Variants in STEAP2 observed in about 807,000 individuals in gnomAD.
STEAP2 encodes the protein metalloreductase STEAP2.
In STEAP2, 30 loss-of-function variants were observed where a neutral mutation model predicts 46.4. The ratio of observed to expected loss-of-function variants is 0.65; its 90% CI spans 0.48 to 0.88. STEAP2 has a LOEUF of 0.88. STEAP2 is among the 40% of genes least tolerant of loss of function. STEAP2 has a pLI of 0.00. For synonymous variants in STEAP2, 180 were observed against 200.5 expected (o/e 0.90, Z 0.86); for missense variants, 513 against 579.3 (o/e 0.89, Z 1.18).
chr7:90,242,557 C>G (rs1584260006), downstream of STEAP2, among the ~76,000 whole-genome samples: 3 of 152,356 alleles, frequency 2.0e-5, no homozygotes, highest in Middle Eastern at 3.4e-3. Flanking sequence ...ATTGTCAGCT[C>G]TCTGCCACCA....
chr7:90,212,231 G>GTGTC (rs1225424890), intron 1 of STEAP2, 186 bp downstream of exon 1: 1 of 152,374 alleles, frequency 6.6e-6, no homozygotes, highest in African/African-American at 2.4e-5. Context: ...GTGGAGAAGG[G>GTGTC]TGTCTGTTCC....
chr7:90,213,529 A>T (rs933362624), intron 1 of STEAP2, among the ~76,000 whole-genome samples: 2 of 152,352 alleles, frequency 1.3e-5, no homozygotes, highest in African/African-American at 4.8e-5. Context: ...TAACATTGAT[A>T]AATCACCTAC....
rs1795950116 is a variant in STEAP2 at position 90,236,072 on chromosome 7, GCTT to G, written c.*3450_*3452del. The G allele has an allele frequency of 2.8e-6, 2 of 723,018 alleles. No homozygotes were observed. The highest frequency in any genetic ancestry group is 1.3e-4 in the South Asian group (2 of 15,694). 44.8% of individuals were successfully genotyped at this position (723,018 alleles called of 1,614,324 possible). ...TTATAGAAATTACTTGTGTAAAAGGGCTTCAAGAATATATCCAATTTTTAAATA... is the reference window on the plus strand; with the variant it reads ...TTATAGAAATTACTTGTGTAAAAGGGCAAGAATATATCCAATTTTTAAATA... On this transcript the variant is annotated 3_prime_UTR_variant, in exon 6 of 6. Coordinates refer to ENST00000394621, the MANE Select transcript of STEAP2 (RefSeq NM_001244944.2).
At chr7:90,213,807 G>T (rs994102411) in intron 1 of STEAP2, 1 of 152,174 alleles carries the variant, frequency 6.6e-6, no homozygotes, top group Non-Finnish European at 1.5e-5. Flanking sequence ...TTTAACAAGG[G>T]CTGAGTGAAT....
At chr7:90,240,068 T>TCC (rs1796043869), downstream of STEAP2, among the ~76,000 whole-genome samples, 1 of 152,082 alleles carries the variant, frequency 6.6e-6, no homozygotes, top group Admixed American at 6.5e-5. The surrounding 1 kb of genome is among the most constrained non-coding windows in gnomAD (Gnocchi z 4.1). Flanking sequence ...ACCCAGGAGT[T>TCC]CAAGACCAAC....
intron 1 of STEAP2, chr7:90,215,521 T>C (rs1371789770): frequency 6.6e-6 from 1 of 152,218 alleles, no homozygotes; most frequent in Non-Finnish European, 1.5e-5. Context: ...AAGAAAACGA[T>C]GTCATTGACA....
intron 2 of STEAP2, among the ~76,000 whole-genome samples, chr7:90,220,172 C>T (rs1795192992): frequency 6.6e-6 from 1 of 152,204 alleles, no homozygotes; most frequent in African/African-American, 2.4e-5. Flanking sequence ...AGAATTCCCT[C>T]CTGTTTAATG....
In STEAP2 at chr7:90,227,417, T is replaced by C. The variant is rs751812071; in HGVS notation, c.939T>C (p.Ala313=). ...TTGGATTACTAAGTTTTTTCTTCGC[T>C]ATGGTCCATGTTGCCTACAGCCTCT... ...KQLGLLSFFF[A]MVHVAYSLCL... The change falls in exon 4 of 6, where the codon GCT becomes GCC. Residue 313 remains alanine (A), a synonymous_variant. Transcript: ENST00000394621. The C allele has an allele frequency of 1.2e-6, 2 of 1,612,598 alleles. No individual in the cohort carries two copies. The highest frequency in any genetic ancestry group is 1.7e-5 in the Admixed American group (1 of 59,932).
At chr7:90,224,429 A>ACTGCAGAGCTGCCACTGAG (rs1307638685) in intron 2 of STEAP2, among the ~76,000 whole-genome samples, 2 of 152,198 alleles carry the variant, frequency 1.3e-5, no homozygotes, top group Non-Finnish European at 1.5e-5. Flanking sequence ...TTTAAATATG[A>ACTGCAGAGCTGCCACTGAG]CTGCAGAGCT....
the STEAP2 span, among the ~76,000 whole-genome samples, chr7:90,243,390 A>G: frequency 2.6e-5 from 4 of 152,218 alleles, no homozygotes; most frequent in Non-Finnish European, 5.9e-5. Flanking sequence ...TAAAAGAGTT[A>G]GAGTTTTTTA....
Position 90,233,616 on chromosome 7 carries a change from A to T in STEAP2, c.*992A>T, listed in dbSNP as rs141424922. ...TTAATACTTAGAACAACCCCGTGAG[A>T]TAAGTAGTTATTATCCTCATTTTAC... is the stretch of plus-strand genomic sequence containing the variant. On this transcript the variant is annotated 3_prime_UTR_variant, in exon 6 of 6. Transcript: ENST00000394621. The T allele has an allele frequency of 1.1e-6, 1 of 877,922 alleles. No homozygotes were observed. Among genetic ancestry groups the T allele is most frequent in the African/African-American group, 1.8e-5 (1 of 55,058 alleles). The allele number at this position is 877,922 out of a possible 1,614,324, so 54.4% of individuals were successfully genotyped here.
intron 5 of STEAP2, among the ~76,000 whole-genome samples, chr7:90,230,333 G>T (rs1795687131): frequency 6.6e-6 from 1 of 151,944 alleles, no homozygotes; most frequent in Non-Finnish European, 1.5e-5. Context: ...GATGAGCTTA[G>T]ATCAAATTTA....
rs1584251719 is a variant in STEAP2 at position 90,233,329 on chromosome 7, A to G, written c.*705A>G. On this transcript the variant is annotated 3_prime_UTR_variant, in exon 6 of 6. Transcript: ENST00000394621. ...TGTTACAGAGCAGTTTCATTTTCAT[A>G]TTAATATACTGATCAGGAAGAGGAT... The G allele has an allele frequency of 1.0e-6, 1 of 983,388 alleles. No individual in the cohort carries two copies. 60.9% of individuals were successfully genotyped at this position (983,388 alleles called of 1,614,324 possible).
chr7:90,225,987 T>A (rs925956532), intron 3 of STEAP2, among the ~76,000 whole-genome samples: 1 of 152,174 alleles, frequency 6.6e-6, no homozygotes, highest in African/African-American at 2.4e-5. Context: ...GAAAATAAGT[T>A]TCAGTATTAT....
chr7:90,219,792 A>G (rs140600670), intron 2 of STEAP2, among the ~76,000 whole-genome samples: 2 of 152,252 alleles, frequency 1.3e-5, no homozygotes, highest in Admixed American at 6.5e-5. Flanking sequence ...CGGTTATGCA[A>G]TCATAAATCA....
chr7:90,233,497 C>A lies in STEAP2; in HGVS notation c.*873C>A. 7.1e-6 allele frequency: 7 copies of A among 985,406 alleles called. No homozygotes were observed. The highest frequency in any genetic ancestry group is 8.4e-6 in the Non-Finnish European group (7 of 829,936). 61.0% of individuals were successfully genotyped at this position (985,406 alleles called of 1,614,324 possible). A position where few individuals can be genotyped will look rare whatever the true frequency, so the allele number is the denominator to read the frequency against. ...TGACCTTTGTCGCACCTTAACCAGT[C>A]ACCACTTGCTATGGTATAGGATTAT... On this transcript the variant is annotated 3_prime_UTR_variant, in exon 6 of 6. Coordinates refer to ENST00000394621, the MANE Select transcript of STEAP2 (RefSeq NM_001244944.2).
downstream of STEAP2, chr7:90,238,060 A>G: frequency 1.4e-6 from 1 of 717,436 alleles, no homozygotes; most frequent in Non-Finnish European, 2.6e-6. Context: ...CCATGCCTAC[A>G]TCCTCTTGCC....
downstream of STEAP2, among the ~76,000 whole-genome samples, chr7:90,239,773 A>C (rs17869606): frequency 0.019 from 2,857 of 152,284 alleles, 107 homozygotes; most frequent in African/African-American, 0.064. Flanking sequence ...CTACTTAAAA[A>C]TCACTTGCAG....
At chr7:90,243,369 A>G in the STEAP2 span, among the ~76,000 whole-genome samples, 1 of 152,234 alleles carries the variant, frequency 6.6e-6, no homozygotes, top group African/African-American at 2.4e-5. Context: ...TTGAAAGTTT[A>G]AAAAACAGAT....
Sources: gnomAD v4.1 joint callset for allele counts (sites outside exome capture counted in the v4.1 genomes callset) on GRCh38, gnomAD v4.1.1 for gene constraint, Gnocchi (gnomAD v3.1) non-coding constraint, MANE v1.5 for transcripts, NCBI Gene and HGNC (gene_info 2026-07-23, HGNC 2026-07-21) for gene names.